Variants in PSD3 observed in about 807,000 individuals in gnomAD.
The protein encoded by PSD3 is PH and SEC7 domain-containing protein 3.
Under a neutral mutation model 105.5 loss-of-function variants are expected in PSD3, and 49 were observed. The observed-to-expected ratio is 0.46, with a 90% CI of 0.37 to 0.59. The LOEUF is 0.59. PSD3 is among the 20% of genes least tolerant of loss of function. The pLI is 0.00. For synonymous variants in PSD3, 557 were observed against 457.8 expected (o/e 1.22, Z -2.77); for missense variants, 1,561 against 1,263.8 (o/e 1.24, Z -3.57).
intron 2 of PSD3, among the ~76,000 whole-genome samples, chr8:18,874,715 A>C (rs1817619155): frequency 6.6e-6 from 1 of 151,332 alleles, no homozygotes; most frequent in Admixed American, 6.6e-5. Context: ...AAAAAAAAAA[A>C]AAAAAAAAAA....
Position 18,661,159 on chromosome 8 carries a change from T to C in PSD3, c.2173-5474A>G, listed in dbSNP as rs372265957. On this transcript the variant is annotated intron_variant, in intron 9 of 15. Transcript: ENST00000327040. Reference sequence around the variant, plus strand: ...ATTCGTGTATTTTAGTTCAATCATCTCTAAACTCCAATGAATTTTTTTCTC... The same window carrying C: ...ATTCGTGTATTTTAGTTCAATCATCCCTAAACTCCAATGAATTTTTTTCTC... Among the ~76,000 whole-genome samples, 122 of 152,290 alleles carry C rather than the reference T, an allele frequency of 8.0e-4. 3 individuals are homozygous for C. The South Asian group carries it at 0.024, about 29-fold the overall frequency.
At chr8:18,578,825 A>T (rs73211739) in intron 12 of PSD3, among the ~76,000 whole-genome samples, 4,601 of 152,122 alleles carry the variant, frequency 0.03, 132 homozygotes, top group East Asian at 0.1. Context: ...CCATTATTTT[A>T]AAAGAGGACT....
At chr8:18,739,660 C>T (rs2129434107) in intron 9 of PSD3, among the ~76,000 whole-genome samples, 1 of 152,192 alleles carries the variant, frequency 6.6e-6, no homozygotes, top group East Asian at 1.9e-4. Context: ...AAAAAATAAA[C>T]CACATTTTTT....
At chr8:18,944,682 T>C (rs1182579444) in intron 1 of PSD3, among the ~76,000 whole-genome samples, 3 of 152,168 alleles carry the variant, frequency 2.0e-5, no homozygotes, top group Non-Finnish European at 4.4e-5. Flanking sequence ...GGAAAGGCAC[T>C]TAGGAACTAT....
intron 12 of PSD3, among the ~76,000 whole-genome samples, chr8:18,595,454 C>G (rs55804469): frequency 0.44 from 60,471 of 137,614 alleles, 12,263 homozygotes; most frequent in South Asian, 0.6. Flanking sequence ...GAGAGAGAGA[C>G]AGAGAGACAG....
chr8:18,787,360 G>A (rs528488134), intron 8 of PSD3, among the ~76,000 whole-genome samples: 43 of 152,170 alleles, frequency 2.8e-4, no homozygotes, highest in African/African-American at 8.9e-4. Flanking sequence ...GTACAGAAAT[G>A]GTACCTTGAA....
chr8:18,914,103 G>C (rs915668936), intron 2 of PSD3, among the ~76,000 whole-genome samples: 1 of 151,144 alleles, frequency 6.6e-6, no homozygotes. Flanking sequence ...CCAATAGCAA[G>C]CCTACACACA....
chr8:18,851,701 G>C (rs1188374622), intron 4 of PSD3, among the ~76,000 whole-genome samples: 1 of 152,206 alleles, frequency 6.6e-6, no homozygotes, highest in Admixed American at 6.5e-5. Context: ...GAGGGACCGA[G>C]CTGCACAGGG....
At chr8:18,972,304 C>T (rs553205989) in intron 1 of PSD3, among the ~76,000 whole-genome samples, 37 of 152,266 alleles carry the variant, frequency 2.4e-4, no homozygotes, top group South Asian at 2.1e-3. Context: ...CTAAATACAA[C>T]GCTGTTATAA....
At chr8:18,880,631 C>G (rs1361655916) in intron 2 of PSD3, among the ~76,000 whole-genome samples, 1 of 152,172 alleles carries the variant, frequency 6.6e-6, no homozygotes, top group Non-Finnish European at 1.5e-5. Context: ...TCTCCTCTGC[C>G]CCAGGCCCCT....
At chr8:18,897,882 T>C (rs1307739889) in intron 2 of PSD3, among the ~76,000 whole-genome samples, 1 of 152,170 alleles carries the variant, frequency 6.6e-6, no homozygotes, top group African/African-American at 2.4e-5. Context: ...AATTAGACGG[T>C]CAGTTCAGAG....
intron 8 of PSD3, among the ~76,000 whole-genome samples, chr8:18,793,179 G>C (rs182871890): frequency 8.5e-5 from 13 of 152,166 alleles, no homozygotes; most frequent in Middle Eastern, 3.4e-3. Context: ...TCGTGGGGTG[G>C]GGAGAGGGAG....
At chr8:18,992,719 T>C (rs1825868411) in intron 1 of PSD3, among the ~76,000 whole-genome samples, 1 of 152,204 alleles carries the variant, frequency 6.6e-6, no homozygotes, top group African/African-American at 2.4e-5. Context: ...TTCAGTCTTC[T>C]TCATCCATAC....
chr8:18,804,773 C>G lies in PSD3; in HGVS notation c.1760G>C (p.Arg587Thr). The G allele has an allele frequency of 6.2e-7, 1 of 1,614,148 alleles. No individual in the cohort carries two copies. Among genetic ancestry groups the G allele is most frequent in the Non-Finnish European group, 8.5e-7 (1 of 1,180,002 alleles). ...GTSSNVEAAK[R>T]LAKRLYQLDR... ...CAGCTGATAAAGGCGTTTGGCCAAC[C>G]TTTTGGCTGCTTCCACATTGCTGCT... Residue 587 changes from arginine (R) to threonine (T), a missense_variant, in exon 5 of 16, where the codon AGG (arginine) becomes ACG (threonine). Coordinates refer to ENST00000327040, the MANE Select transcript of PSD3 (RefSeq NM_015310.4).
chr8:18,904,013 G>A lies in PSD3; in HGVS notation c.131-31280C>T, dbSNP rs111864589. ...TTTGCAGTGCTATAAAGGAACACCC[G>A]AAACTGAGTAATTTATAAAGAAAAG... On this transcript the variant is annotated intron_variant, in intron 2 of 15. Coordinates refer to ENST00000327040, the MANE Select transcript of PSD3 (RefSeq NM_015310.4). 7.8e-3 allele frequency among the ~76,000 whole-genome samples: 1,186 copies of A among 152,260 alleles called. 15 individuals are homozygous for A. Among genetic ancestry groups the A allele is most frequent in the African/African-American group, 0.027 (1,130 of 41,518 alleles).
At chr8:19,082,285 G>A (rs1586705964) in intron 1 of PSD3, among the ~76,000 whole-genome samples, 1 of 152,140 alleles carries the variant, frequency 6.6e-6, no homozygotes, top group East Asian at 1.9e-4. Flanking sequence ...CACATTGTCT[G>A]ACCACCTCTG....
chr8:18,900,772 T>G (rs1586368017), intron 2 of PSD3, among the ~76,000 whole-genome samples: 2 of 151,310 alleles, frequency 1.3e-5, no homozygotes, highest in South Asian at 4.2e-4. Context: ...CCCAAGTAGC[T>G]GAGACTACAG....
chr8:18,814,284 T>C (rs1473659821), intron 4 of PSD3, among the ~76,000 whole-genome samples: 1 of 152,168 alleles, frequency 6.6e-6, no homozygotes, highest in Non-Finnish European at 1.5e-5. Flanking sequence ...ATCTCAGTCC[T>C]TTTTCTCAGC....
intron 1 of PSD3, among the ~76,000 whole-genome samples, chr8:19,081,932 A>G (rs996472914): frequency 2.6e-5 from 4 of 152,206 alleles, no homozygotes; most frequent in East Asian, 1.9e-4. Context: ...CACATTTTCC[A>G]TAAGTTCATC....
Sources: allele counts gnomAD v4.1 joint callset (sites outside exome capture counted in the v4.1 genomes callset), GRCh38; gene constraint gnomAD v4.1.1; transcripts MANE v1.5; gene names NCBI Gene and HGNC (gene_info 2026-07-23, HGNC 2026-07-21).